The following UST variants were observed in gnomAD, a reference collection of about 807,000 sequenced individuals.
UST encodes the protein chondroitin sulfate 2-O-sulfotransferase.
A neutral mutation model predicts 45.6 loss-of-function variants in UST; 21 were observed. That is an observed-to-expected ratio of 0.46 (90% CI 0.33 to 0.66). The LOEUF (loss-of-function observed/expected upper bound fraction) is 0.66. Ranked by LOEUF, UST falls within the 30% of genes least tolerant of loss-of-function variation. The probability of loss-of-function intolerance (pLI) is 0.02; values close to 1 mark genes in which losing one functional copy is unlikely to be tolerated. For synonymous variants in UST, 215 were observed against 200.6 expected (o/e 1.07, Z -0.61); for missense variants, 463 against 512.4 (o/e 0.90, Z 0.93).
At chr6:148,858,962 T>A (rs1202031567) in intron 1 of UST, among the ~76,000 whole-genome samples, 1 of 152,182 alleles carries the variant, frequency 6.6e-6, no homozygotes, top group Non-Finnish European at 1.5e-5. Context: ...TAAACATACG[T>A]GTGCATGTGT....
chr6:148,811,516 C>T (rs1777256249), intron 1 of UST, among the ~76,000 whole-genome samples: 1 of 152,208 alleles, frequency 6.6e-6, no homozygotes, highest in African/African-American at 2.4e-5. Flanking sequence ...TCTGGTTACT[C>T]TGGCTGCTTA....
intron 7 of UST, among the ~76,000 whole-genome samples, chr6:149,031,909 C>T (rs1026956426): frequency 7.2e-5 from 11 of 152,176 alleles, no homozygotes; most frequent in African/African-American, 2.4e-4. Context: ...AGGAGTTTGC[C>T]AAGTGGACGT....
At chr6:149,012,400 T>G (rs1454786674) in intron 5 of UST, among the ~76,000 whole-genome samples, 1 of 152,204 alleles carries the variant, frequency 6.6e-6, no homozygotes, top group Non-Finnish European at 1.5e-5. Context: ...ATTTAACCCA[T>G]TAAACTTGTA....
chr6:148,959,582 G>A (rs1009819107), intron 4 of UST, among the ~76,000 whole-genome samples: 11 of 152,142 alleles, frequency 7.2e-5, no homozygotes, highest in Admixed American at 2.6e-4. Flanking sequence ...GATCTCTGCC[G>A]CTGCATGGGC....
intron 7 of UST, among the ~76,000 whole-genome samples, chr6:149,069,919 C>T (rs1273179262): frequency 1.3e-5 from 2 of 152,218 alleles, no homozygotes; most frequent in African/African-American, 4.8e-5. Flanking sequence ...TATATGATTA[C>T]ACTTGCTGTC....
At chr6:149,002,923 CA>C (rs1781580166) in intron 5 of UST, among the ~76,000 whole-genome samples, 1 of 152,152 alleles carries the variant, frequency 6.6e-6, no homozygotes, top group East Asian at 1.9e-4. Context: ...TTATAAACTA[CA>C]AATAAAGGAA....
chr6:148,839,972 T>C (rs1390709737), intron 1 of UST, among the ~76,000 whole-genome samples: 1 of 152,196 alleles, frequency 6.6e-6, no homozygotes, highest in African/African-American at 2.4e-5. Context: ...ACTACCTCCC[T>C]ACTTCCCTAT....
intron 2 of UST, among the ~76,000 whole-genome samples, chr6:148,920,351 G>A (rs186773427): frequency 1.3e-4 from 20 of 152,218 alleles, no homozygotes; most frequent in African/African-American, 4.6e-4. Flanking sequence ...TCTTGCTGAT[G>A]TCTTTGGTTC....
At chr6:148,865,495 T>C (rs1448928920) in intron 1 of UST, among the ~76,000 whole-genome samples, 3 of 152,146 alleles carry the variant, frequency 2.0e-5, no homozygotes, top group Non-Finnish European at 2.9e-5. Context: ...GGAAAAGTCA[T>C]TTACTTATTA....
intron 5 of UST, among the ~76,000 whole-genome samples, chr6:149,006,671 C>T (rs1775702859): frequency 6.6e-6 from 1 of 152,202 alleles, no homozygotes; most frequent in Non-Finnish European, 1.5e-5. Flanking sequence ...GGAATCACCA[C>T]ACTGTCTTCC....
At chr6:148,873,183 A>G (rs1582867914) in intron 1 of UST, among the ~76,000 whole-genome samples, 1 of 152,302 alleles carries the variant, frequency 6.6e-6, no homozygotes, top group East Asian at 1.9e-4. Flanking sequence ...TATATCAAAT[A>G]TTTCAAAGTA....
chr6:149,049,925 TCTCTCTCACACA>T (rs1159516419), intron 7 of UST, among the ~76,000 whole-genome samples: 4 of 128,720 alleles, frequency 3.1e-5, no homozygotes, highest in African/African-American at 1.3e-4. Flanking sequence ...TCTCTCTCTC[TCTCTCTCACACA>T]CACACACACA....
intron 7 of UST, among the ~76,000 whole-genome samples, chr6:149,069,530 A>G (rs572572909): frequency 5.3e-5 from 8 of 152,214 alleles, no homozygotes; most frequent in Non-Finnish European, 7.4e-5. Context: ...GGCCATTTGT[A>G]TGTCTTATTT....
intron 7 of UST, among the ~76,000 whole-genome samples, chr6:149,069,364 G>C (rs746259018): frequency 1.3e-5 from 2 of 152,172 alleles, no homozygotes; most frequent in East Asian, 3.8e-4. Flanking sequence ...CACCAACAGT[G>C]TATAAGAGTT....
chr6:148,836,894 C>T lies in UST; in HGVS notation c.248-50092C>T, dbSNP rs530622648. ...GCTCAACAGAGCCAAGCTTTGAAGACACTTACATTTGGGGGACTGGACTAC... is the reference window on the plus strand; with the variant it reads ...GCTCAACAGAGCCAAGCTTTGAAGATACTTACATTTGGGGGACTGGACTAC... On this transcript the variant is annotated intron_variant, in intron 1 of 7. Transcript: ENST00000367463. Among the ~76,000 whole-genome samples the T allele has an allele frequency of 3.5e-4, 53 of 152,262 alleles. 3 individuals are homozygous for T. The South Asian group carries it at 0.011, about 32-fold the overall frequency.
chr6:148,923,107 C>T (rs1297221999), intron 2 of UST, among the ~76,000 whole-genome samples: 3 of 152,036 alleles, frequency 2.0e-5, no homozygotes. Flanking sequence ...GCTGCCTGTA[C>T]CCAACTCCCA....
At chr6:148,776,109 G>T (rs1270212607) in intron 1 of UST, among the ~76,000 whole-genome samples, 5 of 151,796 alleles carry the variant, frequency 3.3e-5, no homozygotes, top group African/African-American at 1.2e-4. Flanking sequence ...ATTTATTTTG[G>T]CTGAATTAAT....
At position 148,837,943 on chromosome 6, in the gene UST, TG is replaced by T. The variant is rs1294154194; in HGVS notation, c.248-49042del. ...GTCTTGAACTCCTGAGCTCAAGCAATGTGCCCACCTTGGCTGGCATGAGCCA... is the reference window on the plus strand; with the variant it reads ...GTCTTGAACTCCTGAGCTCAAGCAATTGCCCACCTTGGCTGGCATGAGCCA... On this transcript the variant is annotated intron_variant, in intron 1 of 7. Coordinates refer to ENST00000367463, the MANE Select transcript of UST (RefSeq NM_005715.3). 3.9e-5 allele frequency among the ~76,000 whole-genome samples: 6 copies of T among 152,346 alleles called. No homozygotes were observed. In the East Asian group the frequency reaches 1.2e-3, roughly 29 times the overall value.
At chr6:148,911,218 A>G (rs1779468494) in intron 2 of UST, among the ~76,000 whole-genome samples, 1 of 152,182 alleles carries the variant, frequency 6.6e-6, no homozygotes, top group Admixed American at 6.5e-5. Context: ...TCACTCAGTC[A>G]TCACCACTCT....
Sources: gnomAD v4.1 joint callset for allele counts (sites outside exome capture counted in the v4.1 genomes callset) on GRCh38, gnomAD v4.1.1 for gene constraint, MANE v1.5 for transcripts, NCBI Gene and HGNC (gene_info 2026-07-23, HGNC 2026-07-21) for gene names.